Variants in ACTR3C observed in about 807,000 individuals in gnomAD.
ACTR3C encodes actin related protein 3C.
In ACTR3C, 18 loss-of-function variants were observed where a neutral mutation model predicts 26.3. That is an observed-to-expected ratio of 0.68 (90% confidence interval 0.47 to 1.01). ACTR3C has a LOEUF of 1.01. ACTR3C is among the 50% of genes least tolerant of loss of function. The probability of loss-of-function intolerance (pLI) is 0.00; values close to 1 mark genes in which losing one functional copy is unlikely to be tolerated. For missense variants in ACTR3C, 184 were observed against 250.7 expected (o/e 0.73, Z 1.80); for synonymous variants, 55 against 94.5 (o/e 0.58, Z 2.42).
At chr7:150,104,707 C>G in the ACTR3C span, among the ~76,000 whole-genome samples, 1 of 151,946 alleles carries the variant, frequency 6.6e-6, no homozygotes, top group Admixed American at 6.6e-5. Flanking sequence ...TGCCCAGATA[C>G]CAAAACCTCC....
the ACTR3C span, among the ~76,000 whole-genome samples, chr7:150,168,151 T>A: frequency 7.2e-3 from 1,089 of 150,726 alleles, 85 homozygotes; most frequent in African/African-American, 0.026. Flanking sequence ...CCAGTACCAG[T>A]CCATGGCCTT....
the ACTR3C span, among the ~76,000 whole-genome samples, chr7:150,063,363 G>T: frequency 6.6e-6 from 1 of 151,662 alleles, no homozygotes; most frequent in Non-Finnish European, 1.5e-5. Context: ...CTGTTAGAGT[G>T]CCAGGAGCAG....
chr7:150,120,674 A>G, the ACTR3C span, among the ~76,000 whole-genome samples: 2 of 152,320 alleles, frequency 1.3e-5, no homozygotes, highest in South Asian at 4.1e-4. Context: ...AGGAGCTGGT[A>G]CCATTCCTTC....
At chr7:150,046,754 G>A in the ACTR3C span, among the ~76,000 whole-genome samples, 2 of 145,136 alleles carry the variant, frequency 1.4e-5, no homozygotes, top group Admixed American at 1.4e-4. Context: ...ATCCACAGGA[G>A]GTGGTTAAAC....
the ACTR3C span, among the ~76,000 whole-genome samples, chr7:150,143,263 A>G: frequency 3.9e-5 from 6 of 152,140 alleles, no homozygotes; most frequent in African/African-American, 1.5e-4. Context: ...ATCTCCTTGC[A>G]TAATCAAAAT....
the ACTR3C span, among the ~76,000 whole-genome samples, chr7:150,026,169 A>T: frequency 5.9e-5 from 9 of 152,112 alleles, no homozygotes; most frequent in African/African-American, 2.2e-4. Context: ...GGTCAAAAAA[A>T]TACAACCAGT....
the ACTR3C span, among the ~76,000 whole-genome samples, chr7:149,904,084 TA>T: frequency 7.4e-6 from 1 of 134,338 alleles, no homozygotes; most frequent in Non-Finnish European, 1.7e-5. Flanking sequence ...CACATCCGGC[TA>T]ATTTTTGTAT....
the ACTR3C span, among the ~76,000 whole-genome samples, chr7:149,960,909 C>G: frequency 6.6e-6 from 1 of 152,196 alleles, no homozygotes; most frequent in Non-Finnish European, 1.5e-5. Flanking sequence ...AGAAAGTACA[C>G]AGAGAGGAAG....
At chr7:149,962,036 G>A in the ACTR3C span, among the ~76,000 whole-genome samples, 2 of 152,122 alleles carry the variant, frequency 1.3e-5, no homozygotes, top group African/African-American at 4.8e-5. Flanking sequence ...GGAAGTGTGG[G>A]TTCACAGGAA....
chr7:149,939,967 G>A, the ACTR3C span, among the ~76,000 whole-genome samples: 1 of 129,366 alleles, frequency 7.7e-6, no homozygotes, highest in South Asian at 2.9e-4. Flanking sequence ...GGGAAACAAT[G>A]TAATGCTGTA....
chr7:150,128,359 C>T, the ACTR3C span, among the ~76,000 whole-genome samples: 2 of 152,176 alleles, frequency 1.3e-5, no homozygotes, highest in African/African-American at 4.8e-5. Flanking sequence ...TCAGTGACCT[C>T]ACATAAGACA....
At chr7:150,029,158 A>C in the ACTR3C span, among the ~76,000 whole-genome samples, 1,942 of 152,102 alleles carry the variant, frequency 0.013, 53 homozygotes, top group African/African-American at 0.044. Context: ...GCCTGTGTTC[A>C]GCACAAATGT....
the ACTR3C span, among the ~76,000 whole-genome samples, chr7:150,094,810 T>C: frequency 6.6e-6 from 1 of 150,748 alleles, no homozygotes; most frequent in Admixed American, 6.6e-5. Flanking sequence ...AGGATCTCCA[T>C]AGCCGCCAAC....
the ACTR3C span, among the ~76,000 whole-genome samples, chr7:149,992,523 T>C: frequency 6.6e-6 from 1 of 152,180 alleles, no homozygotes; most frequent in African/African-American, 2.4e-5. Flanking sequence ...CCAAGAACAA[T>C]ATGAGAAATG....
At chr7:149,994,169 T>C in the ACTR3C span, among the ~76,000 whole-genome samples, 1 of 152,210 alleles carries the variant, frequency 6.6e-6, no homozygotes, top group Non-Finnish European at 1.5e-5. Flanking sequence ...CTAAGGATGA[T>C]ACTAAAAAGT....
At chr7:149,909,145 G>A in the ACTR3C span, among the ~76,000 whole-genome samples, 1 of 151,456 alleles carries the variant, frequency 6.6e-6, no homozygotes, top group Non-Finnish European at 1.5e-5. Flanking sequence ...TAAAGAGTGA[G>A]TAGAACGCCC....
At chr7:150,136,037 GC>G in the ACTR3C span, among the ~76,000 whole-genome samples, 1 of 151,998 alleles carries the variant, frequency 6.6e-6, no homozygotes, top group Non-Finnish European at 1.5e-5. Flanking sequence ...GGCGCCGGTG[GC>G]CCAAGCAGCC....
At chr7:150,116,846 G>A in the ACTR3C span, among the ~76,000 whole-genome samples, 5 of 152,028 alleles carry the variant, frequency 3.3e-5, no homozygotes, top group Non-Finnish European at 7.4e-5. Context: ...GACCAATGCA[G>A]AAGGTGGGTG....
chr7:149,996,582 A>AAATAAAT, the ACTR3C span, among the ~76,000 whole-genome samples: 377 of 148,670 alleles, frequency 2.5e-3, no homozygotes, highest in African/African-American at 8.8e-3. Flanking sequence ...TTCTGGTAAA[A>AAATAAAT]AAATAAATAA....
Sources: allele counts gnomAD v4.1 joint callset (sites outside exome capture counted in the v4.1 genomes callset), GRCh38; gene constraint gnomAD v4.1.1; transcripts MANE v1.5; gene names NCBI Gene and HGNC (gene_info 2026-07-23, HGNC 2026-07-21).